Variants in MDM1 observed in about 807,000 individuals in gnomAD.
The protein encoded by MDM1 is stabilizer of axonemal microtubules 6.
Under a neutral mutation model 89.1 loss-of-function variants are expected in MDM1, and 61 were observed. The ratio of observed to expected loss-of-function variants is 0.68; its 90% CI spans 0.56 to 0.85. The LOEUF (loss-of-function observed/expected upper bound fraction) is 0.85, where lower values mean the gene tolerates loss of function less well. Among genes scored for constraint, MDM1 ranks in the 40% least tolerant of loss-of-function variants. The pLI, the probability that MDM1 is intolerant of heterozygous loss-of-function variation, is 0.00. For synonymous variants in MDM1, 290 were observed against 294.1 expected (o/e 0.99, Z 0.14); for missense variants, 820 against 846.5 (o/e 0.97, Z 0.39).
intron 13 of MDM1, among the ~76,000 whole-genome samples, chr12:68,301,754 A>T (rs1872192691): frequency 1.4e-5 from 2 of 147,360 alleles, no homozygotes; most frequent in African/African-American, 2.5e-5. Context: ...AAGGAGAGAA[A>T]TTTTTTTTTT....
At chr12:68,296,331 C>A (rs770339435) in intron 14 of MDM1, among the ~76,000 whole-genome samples, 1 of 152,146 alleles carries the variant, frequency 6.6e-6, no homozygotes, top group Non-Finnish European at 1.5e-5. Context: ...AACCCCATCT[C>A]TACTAAAAAT....
intron 12 of MDM1, among the ~76,000 whole-genome samples, chr12:68,307,645 A>T (rs964706710): frequency 6.6e-6 from 1 of 152,060 alleles, no homozygotes; most frequent in African/African-American, 2.4e-5. Flanking sequence ...TGTCTCAAAA[A>T]GCAAAAAATG....
At chr12:68,324,259 G>C (rs1043988783) in intron 4 of MDM1, among the ~76,000 whole-genome samples, 1 of 152,010 alleles carries the variant, frequency 6.6e-6, no homozygotes, top group Admixed American at 6.5e-5. Context: ...GCTTTGATTT[G>C]AATCAGCTCT....
chr12:68,320,315 T>C (rs1254946244), intron 7 of MDM1, among the ~76,000 whole-genome samples: 4 of 152,226 alleles, frequency 2.6e-5, no homozygotes, highest in Admixed American at 2.6e-4. Context: ...TTGCCCCAGA[T>C]AATATCCGGG....
At chr12:68,318,759 G>A (rs973667942) in intron 7 of MDM1, among the ~76,000 whole-genome samples, 6 of 151,990 alleles carry the variant, frequency 3.9e-5, no homozygotes, top group Admixed American at 3.3e-4. Context: ...CACCTTTCTG[G>A]GCCAAGTAAT....
chr12:68,329,667 A>G (rs762812790), intron 2 of MDM1, among the ~76,000 whole-genome samples: 5 of 152,236 alleles, frequency 3.3e-5, no homozygotes, highest in Non-Finnish European at 7.3e-5. Context: ...AAGAAGCAAT[A>G]GAATGTTCCA....
intron 7 of MDM1, among the ~76,000 whole-genome samples, chr12:68,319,467 G>C (rs1874934927): frequency 6.6e-6 from 1 of 152,200 alleles, no homozygotes; most frequent in South Asian, 2.1e-4. Context: ...CATGTGAGGA[G>C]TGTGAATACA....
intron 3 of MDM1, 41 bp from the exon 4 acceptor site, chr12:68,325,616 T>G: frequency 6.9e-7 from 1 of 1,458,174 alleles, no homozygotes; most frequent in Non-Finnish European, 9.1e-7. Flanking sequence ...ATTAAAAATT[T>G]CTATTCAAAC....
chr12:68,307,943 A>G (rs1274882582), intron 12 of MDM1, among the ~76,000 whole-genome samples: 1 of 151,316 alleles, frequency 6.6e-6, no homozygotes, highest in Non-Finnish European at 1.5e-5. Flanking sequence ...GTCTCAAAAA[A>G]AAAAAAAAGT....
At position 68,297,049 on chromosome 12, in the gene MDM1, A is replaced by G. The variant is rs1871496552; in HGVS notation, c.2003-67T>C. 6.2e-6 allele frequency: 7 copies of G among 1,124,922 alleles called. No individual in the cohort carries two copies. In the South Asian group the frequency reaches 9.0e-5, roughly 14 times the overall value. The allele number at this position is 1,124,922 out of a possible 1,614,324, so 69.7% of individuals were successfully genotyped here. A position where few individuals can be genotyped will look rare whatever the true frequency, so the allele number is the denominator to read the frequency against. ...ACTGAACAGCTTATCTCAATTATAT[A>G]CTAAACTGTTAGTAAAAGTAGGCTG... On this transcript the variant is annotated intron_variant, in intron 13 of 14. Coordinates refer to ENST00000682720, the MANE Select transcript of MDM1 (RefSeq NM_001354969.2).
chr12:68,301,270 T>C (rs1872117218), intron 13 of MDM1, among the ~76,000 whole-genome samples: 1 of 152,182 alleles, frequency 6.6e-6, no homozygotes, highest in Non-Finnish European at 1.5e-5. Context: ...CACGGAATAC[T>C]AATCCTCCAT....
At chr12:68,327,949 A>G (rs146888301) in intron 2 of MDM1, among the ~76,000 whole-genome samples, 2 of 152,288 alleles carry the variant, frequency 1.3e-5, no homozygotes, top group Admixed American at 6.5e-5. Context: ...CCTCAACTCC[A>G]CATGTGCTCT....
At chr12:68,306,163 G>C (rs1472706450) in intron 12 of MDM1, among the ~76,000 whole-genome samples, 1 of 152,002 alleles carries the variant, frequency 6.6e-6, no homozygotes, top group Non-Finnish European at 1.5e-5. Context: ...ATGAACAATG[G>C]AAAAAGGACA....
At chr12:68,302,986 G>T in intron 12 of MDM1, 114 bp from the exon 13 acceptor site, 2 of 553,386 alleles carry the variant, frequency 3.6e-6, no homozygotes, top group Non-Finnish European at 2.9e-6. Flanking sequence ...AGAAATATGA[G>T]AGAATTTATG....
chr12:68,322,013 C>T (rs959175229), intron 5 of MDM1, among the ~76,000 whole-genome samples: 3 of 152,120 alleles, frequency 2.0e-5, no homozygotes, highest in Non-Finnish European at 4.4e-5. Flanking sequence ...GTTACCAAAT[C>T]GCTTTACTGA....
chr12:68,312,699 C>T (rs1306872888), intron 12 of MDM1, among the ~76,000 whole-genome samples: 1 of 152,196 alleles, frequency 6.6e-6, no homozygotes, highest in Non-Finnish European at 1.5e-5. Context: ...AAAATCTTTG[C>T]TATGATTTAC....
intron 12 of MDM1, among the ~76,000 whole-genome samples, chr12:68,306,642 C>T (rs1308991584): frequency 2.0e-5 from 3 of 152,164 alleles, no homozygotes; most frequent in Admixed American, 1.3e-4. Flanking sequence ...CTCAACATTG[C>T]TAATCACCAG....
chr12:68,332,318 A>G lies in MDM1; in HGVS notation c.-73T>C, dbSNP rs1411486359. 2 of 1,488,294 alleles carry G rather than the reference A, an allele frequency of 1.3e-6. No homozygotes were observed. Among genetic ancestry groups the G allele is most frequent in the Non-Finnish European group, 1.8e-6 (2 of 1,112,796 alleles). 92.2% of individuals were successfully genotyped at this position (1,488,294 alleles called of 1,614,324 possible). On this transcript the variant is annotated 5_prime_UTR_variant, in exon 1 of 15. Transcript: ENST00000682720. ...AAAGCTCCGAGGGGGCGGGGCGATA[A>G]CAGTGTTCCCTAGCAAAGCCTCGGC...
At chr12:68,299,832 T>A (rs1224323097) in intron 13 of MDM1, among the ~76,000 whole-genome samples, 1 of 152,188 alleles carries the variant, frequency 6.6e-6, no homozygotes, top group African/African-American at 2.4e-5. Flanking sequence ...AGAAGCTCAA[T>A]GAACTCTTAG....
Sources: gnomAD v4.1 joint callset for allele counts (sites outside exome capture counted in the v4.1 genomes callset) on GRCh38, gnomAD v4.1.1 for gene constraint, MANE v1.5 for transcripts, NCBI Gene and HGNC (gene_info 2026-07-23, HGNC 2026-07-21) for gene names.